Variants in PRKG1 observed in about 807,000 individuals in gnomAD.
PRKG1 encodes the protein cGMP-dependent protein kinase 1.
PRKG1 carries 35 observed loss-of-function variants against 88.1 expected under a neutral mutation model. The ratio of observed to expected loss-of-function variants is 0.40; its 90% CI spans 0.30 to 0.53. The LOEUF (loss-of-function observed/expected upper bound fraction) is 0.53. Among genes scored for constraint, PRKG1 ranks in the 20% least tolerant of loss-of-function variants. The probability of loss-of-function intolerance (pLI) is 0.59; values close to 1 mark genes in which losing one functional copy is unlikely to be tolerated. For synonymous variants in PRKG1, 303 were observed against 292.5 expected, an observed-to-expected ratio of 1.04 and a Z score of -0.37; for missense variants, 540 against 839.8, an observed-to-expected ratio of 0.64 and a Z score of 4.41.
chr10:51,498,307 A>G (rs540468803), intron 3 of PRKG1, among the ~76,000 whole-genome samples: 2 of 152,330 alleles, frequency 1.3e-5, no homozygotes, highest in Admixed American at 6.5e-5. Context: ...TTTAGAAATA[A>G]TCACAGAAAA....
chr10:52,287,391 A>G (rs1842140506), intron 14 of PRKG1, among the ~76,000 whole-genome samples: 1 of 152,074 alleles, frequency 6.6e-6, no homozygotes, highest in Non-Finnish European at 1.5e-5. Flanking sequence ...AGAATCCATC[A>G]CAGCCCTTAA....
At chr10:51,104,379 C>CTGTATAT (rs1844766557) in intron 1 of PRKG1, among the ~76,000 whole-genome samples, 1 of 152,142 alleles carries the variant, frequency 6.6e-6, no homozygotes. Flanking sequence ...CCAAATTAAA[C>CTGTATAT]TGTATATTGT....
chr10:51,679,924 TAACGGG>T (rs2132366951), intron 3 of PRKG1, among the ~76,000 whole-genome samples: 1 of 129,576 alleles, frequency 7.7e-6, no homozygotes, highest in East Asian at 2.3e-4. Flanking sequence ...TAAGGCCAAT[TAACGGG>T]AACTTCCTAA....
At chr10:51,309,323 C>T (rs188858660) in intron 2 of PRKG1, among the ~76,000 whole-genome samples, 1 of 152,158 alleles carries the variant, frequency 6.6e-6, no homozygotes, top group Non-Finnish European at 1.5e-5. Flanking sequence ...GGAGAAAATA[C>T]TTGCAAACTA....
intron 3 of PRKG1, among the ~76,000 whole-genome samples, chr10:51,508,896 G>A (rs1057343170): frequency 2.0e-5 from 3 of 152,088 alleles, no homozygotes; most frequent in Non-Finnish European, 2.9e-5. Context: ...TTATTACAAC[G>A]GTATTGCTAT....
chr10:51,018,004 G>A (rs1843090651), intron 1 of PRKG1, among the ~76,000 whole-genome samples: 1 of 151,636 alleles, frequency 6.6e-6, no homozygotes, highest in African/African-American at 2.4e-5. Flanking sequence ...TTATTTTTTA[G>A]GTAGAGACAG....
intron 3 of PRKG1, among the ~76,000 whole-genome samples, chr10:51,741,248 TA>T (rs1837426385): frequency 6.6e-6 from 1 of 152,184 alleles, no homozygotes; most frequent in African/African-American, 2.4e-5. Context: ...AATTTGAAGA[TA>T]TGTATCATGC....
intron 3 of PRKG1, among the ~76,000 whole-genome samples, chr10:51,555,156 C>G (rs1208967191): frequency 1.3e-5 from 2 of 151,746 alleles, no homozygotes; most frequent in Non-Finnish European, 2.9e-5. Context: ...GTTTTTCTTT[C>G]TATGCTTTAT....
At chr10:52,211,698 G>GT (rs1290996470) in intron 9 of PRKG1, among the ~76,000 whole-genome samples, 9 of 85,818 alleles carry the variant, frequency 1.0e-4, no homozygotes, top group Non-Finnish European at 2.1e-4. Flanking sequence ...ACCTATCCTG[G>GT]TAAAAAAAAA....
intron 5 of PRKG1, among the ~76,000 whole-genome samples, chr10:51,929,236 A>C (rs1376749875): frequency 6.6e-6 from 1 of 152,118 alleles, no homozygotes; most frequent in Non-Finnish European, 1.5e-5. Flanking sequence ...CAGACTTAAC[A>C]CTATATCATT....
At chr10:51,885,979 T>A (rs2132892154) in intron 4 of PRKG1, among the ~76,000 whole-genome samples, 1 of 152,382 alleles carries the variant, frequency 6.6e-6, no homozygotes, top group East Asian at 1.9e-4. Context: ...ATAAAAGCTG[T>A]GTCATCACAA....
intron 2 of PRKG1, among the ~76,000 whole-genome samples, chr10:51,207,514 T>A (rs1452283696): frequency 2.0e-5 from 3 of 152,132 alleles, no homozygotes; most frequent in Non-Finnish European, 2.9e-5. Flanking sequence ...TATTTTTTTT[T>A]AATTCTCTCG....
At chr10:51,299,026 G>A (rs193165141) in intron 2 of PRKG1, among the ~76,000 whole-genome samples, 1 of 152,102 alleles carries the variant, frequency 6.6e-6, no homozygotes, top group Non-Finnish European at 1.5e-5. Flanking sequence ...AAAGGAATAT[G>A]ACCATTACTC....
chr10:52,255,689 C>A (rs2132407815), intron 10 of PRKG1, among the ~76,000 whole-genome samples: 1 of 152,002 alleles, frequency 6.6e-6, no homozygotes, highest in African/African-American at 2.4e-5. Context: ...AACTCATAAG[C>A]AAAGCATGAT....
rs540144424 is a variant in PRKG1, at chr10:51,652,047, A to G, written c.593-152538A>G. Among the ~76,000 whole-genome samples the G allele has an allele frequency of 3.3e-5, 5 of 152,274 alleles. No homozygotes were observed. In the South Asian group the frequency reaches 1.0e-3, roughly 32 times the overall value. On this transcript the variant is annotated intron_variant, in intron 3 of 17. Coordinates refer to ENST00000373980, the MANE Select transcript of PRKG1 (RefSeq NM_006258.4). The stretch of plus-strand genomic sequence containing the variant: ...GCTCAAACTTTATCATTAGCTTTAA[A>G]TTTGTCTATGTATTTAACAAGAATT...
intron 3 of PRKG1, among the ~76,000 whole-genome samples, chr10:51,567,233 G>A (rs1008864179): frequency 1.3e-5 from 2 of 151,876 alleles, no homozygotes; most frequent in African/African-American, 4.8e-5. Flanking sequence ...AAATAATGTA[G>A]TAGGCTGATG....
chr10:52,171,786 A>ATTTTTTTTT lies in PRKG1; in HGVS notation c.1076+9842_1076+9850dup, dbSNP rs545195374. On this transcript the variant is annotated intron_variant, in intron 9 of 17. Transcript: ENST00000373980. ...ATAGAAGTATTTTTCTTTTATCAAAATTTTTTTTTTTTTTTTTTTTTTTTT... is the reference window on the plus strand; with the variant it reads ...ATAGAAGTATTTTTCTTTTATCAAAATTTTTTTTTTTTTTTTTTTTTTTTTTTTTTTTTT... 2.1e-3 allele frequency among the ~76,000 whole-genome samples: 193 copies of ATTTTTTTTT among 93,824 alleles called. 6 individuals carry two copies. Among genetic ancestry groups the ATTTTTTTTT allele is most frequent in the African/African-American group, 7.5e-3 (176 of 23,414 alleles). 61.6% of individuals were successfully genotyped at this position (93,824 alleles called of 152,430 possible). A position where few individuals can be genotyped will look rare whatever the true frequency, so the allele number is the denominator to read the frequency against.
chr10:51,259,496 G>A (rs1045679329), intron 2 of PRKG1, among the ~76,000 whole-genome samples: 10 of 152,026 alleles, frequency 6.6e-5, no homozygotes, highest in African/African-American at 2.4e-4. Context: ...TTTTTGAGAT[G>A]GAGTTTCACT....
chr10:51,948,292 A>G (rs1420116350), intron 5 of PRKG1, among the ~76,000 whole-genome samples: 1 of 152,142 alleles, frequency 6.6e-6, no homozygotes, highest in Non-Finnish European at 1.5e-5. Context: ...TCTGACTGAT[A>G]TTTACATTCC....
Sources: gnomAD v4.1 joint callset for allele counts (sites outside exome capture counted in the v4.1 genomes callset) on GRCh38, gnomAD v4.1.1 for gene constraint, MANE v1.5 for transcripts, NCBI Gene and HGNC (gene_info 2026-07-23, HGNC 2026-07-21) for gene names.